FBXO42: variants seen among roughly 807,000 people sequenced by gnomAD.
FBXO42 encodes F-box protein 42, also known as F-box only protein 42.
Under a neutral mutation model 71.7 loss-of-function variants are expected in FBXO42, and 12 were observed. That is an observed-to-expected ratio of 0.17 (90% CI 0.11 to 0.27). The LOEUF (loss-of-function observed/expected upper bound fraction) is 0.27. FBXO42 is among the 10% of genes least tolerant of loss of function. The pLI is 1.00. For missense variants in FBXO42, 707 were observed against 911.9 expected, an observed-to-expected ratio of 0.78 and a Z score of 2.89; for synonymous variants, 325 against 327.5, an observed-to-expected ratio of 0.99 and a Z score of 0.08.
intron 2 of FBXO42, among the ~76,000 whole-genome samples, chr1:16,308,641 G>A (rs1218228592): frequency 6.6e-6 from 1 of 151,828 alleles, no homozygotes; most frequent in Non-Finnish European, 1.5e-5. Context: ...TGGGACTACA[G>A]GCACACACCA....
chr1:16,297,944 G>T (rs925972314), intron 3 of FBXO42, among the ~76,000 whole-genome samples: 1 of 150,722 alleles, frequency 6.6e-6, no homozygotes, highest in African/African-American at 2.4e-5. Flanking sequence ...ACAAATAACA[G>T]GCTGGGCACA....
chr1:16,302,292 T>C (rs571861868), intron 3 of FBXO42, among the ~76,000 whole-genome samples: 2 of 152,302 alleles, frequency 1.3e-5, no homozygotes, highest in African/African-American at 4.8e-5. Flanking sequence ...GCCTGTAATC[T>C]AGGCACTTAG....
intron 4 of FBXO42, among the ~76,000 whole-genome samples, chr1:16,287,960 C>G (rs536509595): frequency 6.6e-6 from 1 of 151,976 alleles, no homozygotes; most frequent in Non-Finnish European, 1.5e-5. Flanking sequence ...GCCTGGCCAA[C>G]GTGATGAAAC....
chr1:16,309,217 G>A (rs1322231813), intron 2 of FBXO42, among the ~76,000 whole-genome samples: 1 of 151,128 alleles, frequency 6.6e-6, no homozygotes, highest in Non-Finnish European at 1.5e-5. Flanking sequence ...ACAGGCACGC[G>A]CCACCATACC....
At chr1:16,295,493 C>T (rs1023080470) in intron 3 of FBXO42, among the ~76,000 whole-genome samples, 35 of 152,016 alleles carry the variant, frequency 2.3e-4, no homozygotes, top group African/African-American at 6.0e-4. Flanking sequence ...CAGGTGCAAG[C>T]GATTCTCCTG....
intron 8 of FBXO42, 95 bp downstream of exon 8, chr1:16,253,001 A>G: frequency 9.5e-7 from 1 of 1,048,798 alleles, no homozygotes; most frequent in Non-Finnish European, 1.4e-6. Context: ...ATGCCATGGA[A>G]ATAGTCTTGT....
chr1:16,341,124 C>T (rs140471851), intron 1 of FBXO42, among the ~76,000 whole-genome samples: 2 of 152,192 alleles, frequency 1.3e-5, no homozygotes, highest in African/African-American at 2.4e-5. Flanking sequence ...GACCAAGAGG[C>T]TGAGCAGCGT....
At chr1:16,330,483 TGTGACAGA>T in intron 1 of FBXO42, among the ~76,000 whole-genome samples, 2 of 151,488 alleles carry the variant, frequency 1.3e-5, no homozygotes, top group Middle Eastern at 6.9e-3. Context: ...CTCCAGCCTG[TGTGACAGA>T]GTGAGATCCT....
chr1:16,247,221 G>A lies in FBXO42; in HGVS notation c.*3449C>T, dbSNP rs1020391395. On this transcript the variant is annotated 3_prime_UTR_variant, in exon 10 of 10. Transcript: ENST00000375592. ...ACATGCCTTCTGCAGTTCATGGAGA[G>A]GCTACATGGGACGCAGGCCTGGAAA... is the stretch of plus-strand genomic sequence containing the variant. 6.6e-6 allele frequency: 1 copy of A among 152,214 alleles called. No individual in the cohort carries two copies. The highest frequency in any genetic ancestry group is 2.4e-5 in the African/African-American group (1 of 41,432). 9.4% of individuals were successfully genotyped at this position (152,214 alleles called of 1,614,324 possible).
At chr1:16,279,704 C>T (rs1384236993) in intron 4 of FBXO42, among the ~76,000 whole-genome samples, 1 of 151,714 alleles carries the variant, frequency 6.6e-6, no homozygotes, top group African/African-American at 2.4e-5. Context: ...AAGAGAATAA[C>T]AGGAAAAGAA....
chr1:16,291,260 T>G (rs573452862), intron 4 of FBXO42, among the ~76,000 whole-genome samples: 1 of 152,224 alleles, frequency 6.6e-6, no homozygotes, highest in African/African-American at 2.4e-5. Flanking sequence ...GAAGGACTAA[T>G]TGACATTTCA....
At chr1:16,296,008 T>C (rs918353965) in intron 3 of FBXO42, among the ~76,000 whole-genome samples, 2 of 152,200 alleles carry the variant, frequency 1.3e-5, no homozygotes, top group Admixed American at 6.5e-5. Context: ...GATGATTGTA[T>C]ACACATCACC....
At chr1:16,316,169 C>CAAAAAAAAAAA (rs58485035) in intron 1 of FBXO42, among the ~76,000 whole-genome samples, 1 of 109,076 alleles carries the variant, frequency 9.2e-6, no homozygotes, top group Non-Finnish European at 1.8e-5. Context: ...ACCTCCATCT[C>CAAAAAAAAAAA]AAAAAAAAAA....
Position 16,294,869 on chromosome 1 carries a change from C to T in FBXO42, c.416G>A (p.Cys139Tyr). The T allele has an allele frequency of 6.2e-7, 1 of 1,614,124 alleles. No homozygotes were observed. Among genetic ancestry groups the T allele is most frequent in the Non-Finnish European group, 8.5e-7 (1 of 1,179,980 alleles). ...AGCAGCATTGCAGCTGCTCTGGGTA[C>T]AGCCTCCAAACACATACATAGACTG... ...ANQSMYVFGGCTQSSCNAAFN... is the reference protein window; with the variant it reads ...ANQSMYVFGGYTQSSCNAAFN... Residue 139 changes from cysteine to tyrosine, a missense_variant, in exon 4 of 10, where the codon TGT becomes TAT. Cys to Tyr is a radical substitution (Grantham distance 194, BLOSUM62 -2). This residue lies in a region of FBXO42 where 188 missense variants were observed against 230.5 expected (regional missense o/e 0.82). Coordinates refer to ENST00000375592, the MANE Select transcript of FBXO42 (RefSeq NM_018994.3).
intron 1 of FBXO42, among the ~76,000 whole-genome samples, chr1:16,325,271 G>A (rs772914384): frequency 6.6e-6 from 1 of 151,918 alleles, no homozygotes; most frequent in East Asian, 1.9e-4. Flanking sequence ...TTACCTTTAA[G>A]ACAAAACAAA....
chr1:16,260,165 G>A (rs2081695422), intron 4 of FBXO42, among the ~76,000 whole-genome samples: 1 of 150,616 alleles, frequency 6.6e-6, no homozygotes, highest in South Asian at 2.1e-4. Flanking sequence ...TGATGGTAAT[G>A]ACTAATATTT....
chr1:16,252,980 C>A lies in FBXO42; in HGVS notation c.921+116G>T. 1.1e-6 allele frequency: 1 copy of A among 885,734 alleles called. No homozygotes were observed. The highest frequency in any genetic ancestry group is 3.2e-5 in the Admixed American group (1 of 31,702). The allele number at this position is 885,734 out of a possible 1,614,324, so 54.9% of individuals were successfully genotyped here. The stretch of plus-strand genomic sequence containing the variant: ...CAAAGGCTATACCCAAAAAGCATTC[C>A]TTAAATTAAAATGCCATGGAAATAG... On this transcript the variant is annotated intron_variant, in intron 8 of 9. Coordinates refer to ENST00000375592, the MANE Select transcript of FBXO42 (RefSeq NM_018994.3). The surrounding 1 kb of genome is among the most constrained non-coding windows in gnomAD (Gnocchi z 4.4).
intron 3 of FBXO42, among the ~76,000 whole-genome samples, chr1:16,301,118 C>A (rs2082189062): frequency 6.6e-6 from 1 of 151,894 alleles, no homozygotes; most frequent in Non-Finnish European, 1.5e-5. Flanking sequence ...AGGCTGGTCT[C>A]CAACTCCTGG....
chr1:16,293,313 G>C (rs1250524964), intron 4 of FBXO42: 1 of 152,210 alleles, frequency 6.6e-6, no homozygotes, highest in Non-Finnish European at 1.5e-5. Flanking sequence ...GAGAGACAGG[G>C]TTTCATCATG....
Sources: allele counts gnomAD v4.1 joint callset (sites outside exome capture counted in the v4.1 genomes callset), GRCh38; gene constraint gnomAD v4.1.1; regional missense constraint gnomAD v4.1.1; non-coding constraint Gnocchi (gnomAD v3.1); transcripts MANE v1.5; gene names NCBI Gene and HGNC (gene_info 2026-07-23, HGNC 2026-07-21).